The following LRRC37A variants were observed in gnomAD, a reference collection of about 807,000 sequenced individuals.
LRRC37A encodes leucine-rich repeat-containing protein 37A.
In LRRC37A, 3 loss-of-function variants were observed where a neutral mutation model predicts 35.4. That is an observed-to-expected ratio of 0.08 (90% CI 0.04 to 0.22). The LOEUF (loss-of-function observed/expected upper bound fraction) is 0.22. Among genes scored for constraint, LRRC37A ranks in the 10% least tolerant of loss-of-function variants. The pLI is 1.00. For missense variants in LRRC37A, 67 were observed against 565.3 expected (o/e 0.12, Z 8.94); for synonymous variants, 23 against 215.0 (o/e 0.11, Z 7.81).
At chr17:46,288,309 T>C (rs77168193), upstream of LRRC37A, among the ~76,000 whole-genome samples, 4 of 125,244 alleles carry the variant, frequency 3.2e-5, no homozygotes, top group Non-Finnish European at 5.6e-5. Flanking sequence ...GCCCGGCTTT[T>C]TTTTTTTTTT....
the LRRC37A span, among the ~76,000 whole-genome samples, chr17:46,254,104 C>G: frequency 4.6e-5 from 7 of 152,344 alleles, no homozygotes; most frequent in African/African-American, 1.2e-4. Context: ...CTCACAACGA[C>G]AGACCCGTGT....
the LRRC37A span, among the ~76,000 whole-genome samples, chr17:46,281,961 T>C: frequency 1.3e-5 from 2 of 152,064 alleles, no homozygotes; most frequent in Non-Finnish European, 2.9e-5. Flanking sequence ...ACAGATTTTG[T>C]AGTTTCTTGT....
upstream of LRRC37A, among the ~76,000 whole-genome samples, chr17:46,288,258 C>A (rs1478497160): frequency 1.3e-5 from 2 of 151,708 alleles, no homozygotes; most frequent in Non-Finnish European, 2.9e-5. Context: ...CCTCCCACCT[C>A]AGCCTCCCGA....
At chr17:46,255,879 G>T in the LRRC37A span, among the ~76,000 whole-genome samples, 1 of 150,620 alleles carries the variant, frequency 6.6e-6, no homozygotes. Flanking sequence ...GTTTCACCGT[G>T]TTAGCCAGGA....
At chr17:46,259,901 G>T in the LRRC37A span, 1 of 1,572,134 alleles carries the variant, frequency 6.4e-7, no homozygotes, top group South Asian at 1.2e-5. Context: ...CCCTCTGGCT[G>T]TGGGGACCGC....
the LRRC37A span, among the ~76,000 whole-genome samples, chr17:46,263,440 A>T: frequency 6.6e-6 from 1 of 151,292 alleles, no homozygotes; most frequent in African/African-American, 2.4e-5. Flanking sequence ...AATCCCAGCT[A>T]CTTGAGAGGC....
chr17:46,267,200 G>A, the LRRC37A span: 3 of 628,322 alleles, frequency 4.8e-6, no homozygotes, highest in African/African-American at 3.9e-5. Flanking sequence ...TCCGAGTCCC[G>A]GAGAATCCTG....
At chr17:46,268,418 C>A in the LRRC37A span, 2 of 1,004,464 alleles carry the variant, frequency 2.0e-6, no homozygotes, top group Non-Finnish European at 1.3e-6. Flanking sequence ...TAGATTGCAG[C>A]TTAGGTATTT....
the LRRC37A span, among the ~76,000 whole-genome samples, chr17:46,253,160 C>A: frequency 6.7e-6 from 1 of 148,522 alleles, no homozygotes; most frequent in South Asian, 2.1e-4. Context: ...GGGTCACGGC[C>A]GGGCAGAGGC....
chr17:46,272,833 T>G, the LRRC37A span, among the ~76,000 whole-genome samples: 8 of 152,254 alleles, frequency 5.3e-5, no homozygotes, highest in Non-Finnish European at 1.5e-5. Context: ...CTTTATACCA[T>G]TAAATACACA....
the LRRC37A span, among the ~76,000 whole-genome samples, chr17:46,280,555 T>C: frequency 1.3e-5 from 2 of 150,886 alleles, no homozygotes; most frequent in South Asian, 2.1e-4. Context: ...TGTTTCCTTA[T>C]TTTTGATAGC....
chr17:46,252,563 G>A, the LRRC37A span, among the ~76,000 whole-genome samples: 1 of 149,090 alleles, frequency 6.7e-6, no homozygotes, highest in Admixed American at 6.8e-5. Flanking sequence ...AGATTAGGGA[G>A]TGGTGATGAC....
upstream of LRRC37A, among the ~76,000 whole-genome samples, chr17:46,288,161 T>C (rs1438819372): frequency 6.6e-6 from 1 of 151,612 alleles, no homozygotes; most frequent in Non-Finnish European, 1.5e-5. Context: ...ACTAACTTTT[T>C]TCTTTTGTCT....
At chr17:46,267,893 C>CTTTTTTTTTTTTTTT in the LRRC37A span, among the ~76,000 whole-genome samples, 21 of 89,274 alleles carry the variant, frequency 2.4e-4, no homozygotes, top group Admixed American at 4.6e-4. Context: ...ACTCCCACAT[C>CTTTTTTTTTTTTTTT]TTTTTTTTTT....
At chr17:46,259,457 G>A in the LRRC37A span, 5 of 1,339,098 alleles carry the variant, frequency 3.7e-6, no homozygotes, top group Non-Finnish European at 5.2e-6. Context: ...CCACCTTTGG[G>A]GGTCAGATAG....
chr17:46,278,002 G>A, the LRRC37A span, among the ~76,000 whole-genome samples: 1 of 152,036 alleles, frequency 6.6e-6, no homozygotes, highest in East Asian at 1.9e-4. Flanking sequence ...CTGAAGTGTA[G>A]TGGTGTGGTC....
At chr17:46,273,778 A>G in the LRRC37A span, among the ~76,000 whole-genome samples, 2 of 152,274 alleles carry the variant, frequency 1.3e-5, no homozygotes, top group Non-Finnish European at 2.9e-5. Context: ...TGCTTACACT[A>G]CTTTTCCTTA....
intron 5 of LRRC37A, among the ~76,000 whole-genome samples, chr17:46,317,174 C>T (rs1159440834): frequency 2.3e-5 from 2 of 87,798 alleles, no homozygotes; most frequent in Non-Finnish European, 3.4e-5. Context: ...CTCCTCACAT[C>T]CCAGACGGGC....
upstream of LRRC37A, among the ~76,000 whole-genome samples, chr17:46,291,988 G>T (rs1178868586): frequency 2.3e-5 from 1 of 43,326 alleles, no homozygotes; most frequent in East Asian, 4.6e-4. Flanking sequence ...AAAAAAAAAA[G>T]CCAATAAAAT....
Sources: gnomAD v4.1 joint callset for allele counts (sites outside exome capture counted in the v4.1 genomes callset) on GRCh38, gnomAD v4.1.1 for gene constraint, MANE v1.5 for transcripts, NCBI Gene and HGNC (gene_info 2026-07-23, HGNC 2026-07-21) for gene names.